The following SAMD3 variants were observed in gnomAD, a reference collection of about 807,000 sequenced individuals.
SAMD3 encodes the protein sterile alpha motif domain containing 3.
Under a neutral mutation model 58.5 loss-of-function variants are expected in SAMD3, and 63 were observed. The ratio of observed to expected loss-of-function variants is 1.08; its 90% CI spans 0.88 to 1.33. The LOEUF (loss-of-function observed/expected upper bound fraction) is 1.33, where lower values mean the gene tolerates loss of function less well. Among genes scored for constraint, SAMD3 ranks in the 40% most tolerant of loss-of-function variants. The probability of loss-of-function intolerance (pLI) is 0.00; values close to 1 mark genes in which losing one functional copy is unlikely to be tolerated. For synonymous variants in SAMD3, 220 were observed against 210.3 expected (o/e 1.05, Z -0.40); for missense variants, 604 against 608.4 (o/e 0.99, Z 0.08).
chr6:130,182,261 TG>T (rs34710057), intron 7 of SAMD3, among the ~76,000 whole-genome samples: 80,362 of 151,684 alleles, frequency 0.53, 21,441 homozygotes, highest in African/African-American at 0.58. Context: ...TCCTTCGCTT[TG>T]TTTTGTTTTT....
rs866982660 is a variant in SAMD3, at chr6:130,184,120, C to T, written c.637G>A (p.Glu213Lys). The T allele has an allele frequency of 2.5e-6, 4 of 1,613,932 alleles. No individual in the cohort carries two copies. Among genetic ancestry groups the T allele is most frequent in the East Asian group, 2.2e-5 (1 of 44,870 alleles). ...ALLQAHPFLDEDGCGFFLWKR... is the reference protein window; with the variant it reads ...ALLQAHPFLDKDGCGFFLWKR... The stretch of plus-strand genomic sequence containing the variant: ...TCACTTACGAAGCCACAGCCATCCT[C>T]ATCCAGGAAAGGGTGGGCCTGCAGC... Residue 213 changes from glutamate to lysine, a missense_variant, in exon 7 of 12, where the codon GAG becomes AAG. By Grantham distance (56) the Glu-to-Lys change is moderately conservative. Transcript: ENST00000439090.
chr6:130,190,361 A>G (rs1793425153), intron 5 of SAMD3, among the ~76,000 whole-genome samples: 1 of 152,144 alleles, frequency 6.6e-6, no homozygotes, highest in African/African-American at 2.4e-5. Context: ...GAGTAAAGAT[A>G]ATCATTAGAA....
chr6:130,226,776 C>T (rs7747028), upstream of SAMD3, among the ~76,000 whole-genome samples: 1 of 151,878 alleles, frequency 6.6e-6, no homozygotes, highest in Non-Finnish European at 1.5e-5. Flanking sequence ...TGCAGTGAGC[C>T]GAGATCATGC....
At chr6:130,268,384 AAT>A (rs1225927073) in intron 2 of SAMD3, among the ~76,000 whole-genome samples, 2 of 152,188 alleles carry the variant, frequency 1.3e-5, no homozygotes, top group African/African-American at 4.8e-5. Context: ...AGCTAAGGTT[AAT>A]ATATTGTTGA....
chr6:130,178,855 A>C (rs1228484145), intron 7 of SAMD3, among the ~76,000 whole-genome samples: 1 of 152,180 alleles, frequency 6.6e-6, no homozygotes, highest in East Asian at 1.9e-4. Flanking sequence ...GGGTTGGAGT[A>C]TGGCTTCAGC....
At position 130,157,879 on chromosome 6, in the gene SAMD3, GAATAC is replaced by G. The variant is rs565717082; in HGVS notation, c.823-2859_823-2855del. Among the ~76,000 whole-genome samples, 45 of 151,206 alleles carry G rather than the reference GAATAC, an allele frequency of 3.0e-4. No individual in the cohort carries two copies. In the East Asian group the frequency reaches 8.6e-3, roughly 29 times the overall value. On this transcript the variant is annotated intron_variant, in intron 8 of 11. Coordinates refer to ENST00000439090, the MANE Select transcript of SAMD3 (RefSeq NM_001017373.4). The stretch of plus-strand genomic sequence containing the variant: ...TACAGCTGAGTTTTTCAGAGCAACT[GAATAC>G]AAGATAAATATTCTAACATACGCTA...
chr6:130,144,702 C>A lies in SAMD3; in HGVS notation c.1381G>T (p.Asp461Tyr). The A allele has an allele frequency of 3.1e-6, 5 of 1,614,006 alleles. No homozygotes were observed. The highest frequency in any genetic ancestry group is 4.2e-6 in the Non-Finnish European group (5 of 1,179,980). Residue 461 changes from aspartate (D) to tyrosine (Y), a missense_variant, in exon 12 of 12, where the codon GAC (aspartate) becomes TAC (tyrosine). By Grantham distance (160) the Asp-to-Tyr change is radical. Transcript: ENST00000439090. ...LERERLTKVD[D>Y]CVTALAALVA... ...AGCGCAGCCAAGGCTGTAACACAGT[C>A]GTCCACCTTTGTGAGCCTCTCCCTT...
At chr6:130,245,746 G>T (rs922243858) in intron 2 of SAMD3, among the ~76,000 whole-genome samples, 2 of 152,142 alleles carry the variant, frequency 1.3e-5, no homozygotes, top group Non-Finnish European at 2.9e-5. Flanking sequence ...TAACAGGGTA[G>T]GGCAAGAATT....
At chr6:130,195,770 A>G (rs558226270) in intron 5 of SAMD3, among the ~76,000 whole-genome samples, 1 of 152,264 alleles carries the variant, frequency 6.6e-6, no homozygotes, top group South Asian at 2.1e-4. Context: ...TACCTGTCTC[A>G]GCGTAATTCT....
intron 5 of SAMD3, 139 bp downstream of exon 5, chr6:130,209,356 G>T (rs575001070): frequency 4.1e-6 from 2 of 490,064 alleles, no homozygotes; most frequent in African/African-American, 2.0e-5. Flanking sequence ...TATCTTTATC[G>T]CTGGATAAAA....
chr6:130,252,317 A>G (rs1773764793), intron 2 of SAMD3, among the ~76,000 whole-genome samples: 1 of 152,200 alleles, frequency 6.6e-6, no homozygotes, highest in African/African-American at 2.4e-5. Flanking sequence ...TTGTATAGAC[A>G]GCATATAATT....
chr6:130,231,543 GACAA>G, intron 2 of SAMD3, among the ~76,000 whole-genome samples: 1 of 151,942 alleles, frequency 6.6e-6, no homozygotes, highest in East Asian at 1.9e-4. Context: ...CAGTCTGGGC[GACAA>G]GAGTGAAACT....
intron 2 of SAMD3, among the ~76,000 whole-genome samples, chr6:130,236,373 A>G (rs1773146934): frequency 6.9e-6 from 1 of 145,514 alleles, no homozygotes; most frequent in Non-Finnish European, 1.5e-5. Flanking sequence ...AGAAAGCAAG[A>G]AAATGATTGA....
intron 1 of SAMD3, among the ~76,000 whole-genome samples, chr6:130,360,798 C>T (rs1777963771): frequency 6.6e-6 from 1 of 152,122 alleles, no homozygotes; most frequent in Non-Finnish European, 1.5e-5. Context: ...TAGAAGATGG[C>T]CACACCCAAG....
At chr6:130,210,685 G>A (rs1416626250) in intron 4 of SAMD3, among the ~76,000 whole-genome samples, 1 of 151,834 alleles carries the variant, frequency 6.6e-6, no homozygotes, top group Non-Finnish European at 1.5e-5. Context: ...TCAGCTAAAG[G>A]CATTCCAAAA....
intron 2 of SAMD3, among the ~76,000 whole-genome samples, chr6:130,296,235 T>C (rs951190081): frequency 5.9e-5 from 9 of 152,178 alleles, no homozygotes; most frequent in African/African-American, 2.2e-4. Context: ...TACTGGTGAA[T>C]GGACAAGTTC....
At chr6:130,316,226 G>T (rs557612847) in intron 1 of SAMD3, among the ~76,000 whole-genome samples, 103 of 150,744 alleles carry the variant, frequency 6.8e-4, no homozygotes, top group Non-Finnish European at 1.2e-3. Context: ...GGGAGGCGGA[G>T]GTTGCAGTGA....
At chr6:130,191,704 G>A (rs1179187190) in intron 5 of SAMD3, among the ~76,000 whole-genome samples, 1 of 151,264 alleles carries the variant, frequency 6.6e-6, no homozygotes, top group African/African-American at 2.4e-5. Context: ...TAAATTTAAA[G>A]GAATTTTTTC....
At chr6:130,151,441 ATTTAT>A in intron 9 of SAMD3, among the ~76,000 whole-genome samples, 1 of 151,884 alleles carries the variant, frequency 6.6e-6, no homozygotes, top group Middle Eastern at 3.4e-3. Context: ...TTTTAAATTT[ATTTAT>A]TTATTTATTT....
Sources: allele counts gnomAD v4.1 joint callset (sites outside exome capture counted in the v4.1 genomes callset), GRCh38; gene constraint gnomAD v4.1.1; transcripts MANE v1.5; gene names NCBI Gene and HGNC (gene_info 2026-07-23, HGNC 2026-07-21).